Variants in CCDC91 observed in about 807,000 individuals in gnomAD.
The protein encoded by CCDC91 is coiled-coil domain containing 91.
A neutral mutation model predicts 63.2 loss-of-function variants in CCDC91; 48 were observed. That is an observed-to-expected ratio of 0.76 (90% confidence interval 0.60 to 0.97). The LOEUF (loss-of-function observed/expected upper bound fraction) is 0.97, where lower values mean the gene tolerates loss of function less well. Ranked by LOEUF, CCDC91 falls within the 50% of genes least tolerant of loss-of-function variation. CCDC91 has a pLI of 0.00. For missense variants in CCDC91, 500 were observed against 494.6 expected (o/e 1.01, Z -0.10); for synonymous variants, 167 against 165.8 (o/e 1.01, Z -0.06).
chr12:28,191,503 G>T (rs779513634), intron 1 of CCDC91, among the ~76,000 whole-genome samples: 1 of 152,130 alleles, frequency 6.6e-6, no homozygotes, highest in Non-Finnish European at 1.5e-5. Context: ...GGATACTGAT[G>T]CCACCTTTCT....
At chr12:28,202,158 TATC>T (rs1156668278) in intron 1 of CCDC91, among the ~76,000 whole-genome samples, 2 of 152,226 alleles carry the variant, frequency 1.3e-5, no homozygotes, top group South Asian at 2.1e-4. Context: ...GAGATATTGT[TATC>T]ATACTTCATA....
chr12:28,331,548 ATAT>A (rs1285974787), intron 6 of CCDC91, among the ~76,000 whole-genome samples: 4 of 152,186 alleles, frequency 2.6e-5, no homozygotes, highest in African/African-American at 9.7e-5. Flanking sequence ...GAAGCCTAAG[ATAT>A]TATGGGACAA....
intron 7 of CCDC91, among the ~76,000 whole-genome samples, chr12:28,384,193 T>C (rs1945462951): frequency 6.6e-6 from 1 of 152,106 alleles, no homozygotes; most frequent in African/African-American, 2.4e-5. Context: ...AAATGTATAT[T>C]AATAGACAAA....
chr12:28,402,349 A>G (rs1323114043), intron 8 of CCDC91, among the ~76,000 whole-genome samples: 3 of 151,966 alleles, frequency 2.0e-5, no homozygotes, highest in African/African-American at 7.3e-5. Flanking sequence ...GATCTTGTAC[A>G]TATTTTGTTA....
chr12:28,350,524 T>G (rs958306379), intron 6 of CCDC91, among the ~76,000 whole-genome samples: 1 of 152,198 alleles, frequency 6.6e-6, no homozygotes, highest in Admixed American at 6.5e-5. Context: ...TGAGGTTTTT[T>G]GGTGTGTGAA....
intron 12 of CCDC91, among the ~76,000 whole-genome samples, chr12:28,532,090 C>A (rs1286370803): frequency 1.3e-5 from 2 of 151,938 alleles, no homozygotes; most frequent in Non-Finnish European, 2.9e-5. Flanking sequence ...GAAGGAAGTT[C>A]CTTATAGAGG....
At chr12:28,383,646 A>T (rs1945427319) in intron 7 of CCDC91, among the ~76,000 whole-genome samples, 1 of 152,086 alleles carries the variant, frequency 6.6e-6, no homozygotes, top group Non-Finnish European at 1.5e-5. Context: ...TTGGATCCAG[A>T]TTTGAGTAAA....
intron 1 of CCDC91, among the ~76,000 whole-genome samples, chr12:28,222,697 T>C (rs1195505154): frequency 6.6e-6 from 1 of 152,188 alleles, no homozygotes; most frequent in Non-Finnish European, 1.5e-5. Flanking sequence ...CTTTTCGTTT[T>C]CTGAAATGGA....
chr12:28,490,148 T>A (rs1465100343), intron 12 of CCDC91, among the ~76,000 whole-genome samples: 2 of 151,870 alleles, frequency 1.3e-5, no homozygotes, highest in Non-Finnish European at 2.9e-5. Context: ...ATTTCCCATC[T>A]TCCTGCCCCT....
intron 1 of CCDC91, among the ~76,000 whole-genome samples, chr12:28,216,297 T>C (rs1415446528): frequency 1.3e-5 from 2 of 152,110 alleles, no homozygotes; most frequent in Non-Finnish European, 2.9e-5. Context: ...CACGTTGGAT[T>C]ATATAGCAAG....
At chr12:28,542,794 T>C (rs1334056485) in intron 12 of CCDC91, among the ~76,000 whole-genome samples, 1 of 152,090 alleles carries the variant, frequency 6.6e-6, no homozygotes, top group Non-Finnish European at 1.5e-5. Context: ...GGTATTTTTT[T>C]TATTTTTAAT....
At chr12:28,487,104 A>G (rs1266559099) in intron 12 of CCDC91, among the ~76,000 whole-genome samples, 2 of 151,942 alleles carry the variant, frequency 1.3e-5, no homozygotes, top group Non-Finnish European at 2.9e-5. Context: ...TAAAGTGTGA[A>G]TTCTAAAATT....
intron 8 of CCDC91, among the ~76,000 whole-genome samples, chr12:28,445,252 C>T (rs1399995057): frequency 6.6e-6 from 1 of 152,008 alleles, no homozygotes; most frequent in Non-Finnish European, 1.5e-5. Context: ...GGATAACTTG[C>T]CAAAGGTTCA....
intron 3 of CCDC91, among the ~76,000 whole-genome samples, chr12:28,278,737 G>C (rs1437010389): frequency 6.6e-6 from 1 of 151,962 alleles, no homozygotes; most frequent in Non-Finnish European, 1.5e-5. Flanking sequence ...TTAATATGCT[G>C]TTCTCTTTGC....
chr12:28,298,726 G>GTAA (rs1937690826), intron 3 of CCDC91, among the ~76,000 whole-genome samples: 1 of 130,162 alleles, frequency 7.7e-6, no homozygotes, highest in South Asian at 2.4e-4. Flanking sequence ...CCTTGATTTT[G>GTAA]TAAAAAAAAA....
chr12:28,468,102 G>T (rs1469624066), intron 11 of CCDC91, among the ~76,000 whole-genome samples: 1 of 151,874 alleles, frequency 6.6e-6, no homozygotes, highest in Non-Finnish European at 1.5e-5. Context: ...AGAAATCAAT[G>T]AAACTGACAT....
intron 8 of CCDC91, among the ~76,000 whole-genome samples, chr12:28,413,697 A>G (rs527932677): frequency 1.3e-5 from 2 of 152,202 alleles, no homozygotes; most frequent in Non-Finnish European, 1.5e-5. Context: ...CCCACAGGGA[A>G]CCTTTTCCAT....
intron 3 of CCDC91, among the ~76,000 whole-genome samples, chr12:28,274,357 G>GT (rs1565713748): frequency 6.6e-6 from 1 of 152,108 alleles, no homozygotes; most frequent in Non-Finnish European, 1.5e-5. Flanking sequence ...CTTTAAAGTA[G>GT]TTTTTTCCAG....
chr12:28,289,455 A>G (rs1242816101), intron 3 of CCDC91, among the ~76,000 whole-genome samples: 1 of 152,022 alleles, frequency 6.6e-6, no homozygotes, highest in African/African-American at 2.4e-5. Flanking sequence ...GTTATTCAGG[A>G]GCAGGTTATT....
Sources: gnomAD v4.1 joint callset for allele counts (sites outside exome capture counted in the v4.1 genomes callset) on GRCh38, gnomAD v4.1.1 for gene constraint, MANE v1.5 for transcripts, NCBI Gene and HGNC (gene_info 2026-07-23, HGNC 2026-07-21) for gene names.